The following RIMS2 variants were observed in gnomAD, a reference collection of about 807,000 sequenced individuals.
RIMS2 encodes the protein regulating synaptic membrane exocytosis 2, also known as regulating synaptic membrane exocytosis protein 2.
A neutral mutation model predicts 174.4 loss-of-function variants in RIMS2; 59 were observed. The observed-to-expected ratio is 0.34, with a 90% CI of 0.27 to 0.42. RIMS2 has a LOEUF of 0.42. RIMS2 is among the 10% of genes least tolerant of loss of function. The probability of loss-of-function intolerance (pLI) is 1.00; values close to 1 mark genes in which losing one functional copy is unlikely to be tolerated. For synonymous variants in RIMS2, 606 were observed against 572.5 expected (o/e 1.06, Z -0.84); for missense variants, 1,620 against 1,666.3 (o/e 0.97, Z 0.48).
intron 2 of RIMS2, among the ~76,000 whole-genome samples, chr8:103,731,525 T>C (rs774449144): frequency 2.6e-5 from 4 of 152,200 alleles, no homozygotes; most frequent in Non-Finnish European, 5.9e-5. Flanking sequence ...ATTATCCCTT[T>C]GAACAAACTT....
chr8:103,530,034 A>G (rs1329907288), intron 1 of RIMS2, among the ~76,000 whole-genome samples: 1 of 152,164 alleles, frequency 6.6e-6, no homozygotes, highest in Non-Finnish European at 1.5e-5. Flanking sequence ...GAAAAGGATA[A>G]ATGTGTGGAT....
At chr8:103,602,444 C>G (rs1227383621) in intron 1 of RIMS2, among the ~76,000 whole-genome samples, 1 of 151,942 alleles carries the variant, frequency 6.6e-6, no homozygotes, top group African/African-American at 2.4e-5. Flanking sequence ...TTTCCTGATC[C>G]CATCCCTCCT....
At chr8:103,610,216 C>G (rs1157776577) in intron 1 of RIMS2, among the ~76,000 whole-genome samples, 1 of 152,050 alleles carries the variant, frequency 6.6e-6, no homozygotes, top group Non-Finnish European at 1.5e-5. Context: ...GTTTATCAGA[C>G]CAAGGTGCTT....
At chr8:103,840,356 GT>G (rs2098932037) in intron 3 of RIMS2, among the ~76,000 whole-genome samples, 1 of 151,946 alleles carries the variant, frequency 6.6e-6, no homozygotes, top group Non-Finnish European at 1.5e-5. Context: ...AAAATCTTTG[GT>G]TATTTCATCT....
chr8:103,949,898 C>G (rs1233634613), intron 14 of RIMS2, among the ~76,000 whole-genome samples: 1 of 151,966 alleles, frequency 6.6e-6, no homozygotes, highest in Non-Finnish European at 1.5e-5. Context: ...GCAAAATGAT[C>G]AGCAAAGAAA....
intron 2 of RIMS2, among the ~76,000 whole-genome samples, chr8:103,745,280 G>A (rs538126854): frequency 6.6e-6 from 1 of 152,062 alleles, no homozygotes; most frequent in Non-Finnish European, 1.5e-5. Flanking sequence ...CGGCTCATCT[G>A]TGTTGTAGCA....
At chr8:103,810,844 A>G (rs2098682374) in intron 3 of RIMS2, among the ~76,000 whole-genome samples, 1 of 152,210 alleles carries the variant, frequency 6.6e-6, no homozygotes, top group African/African-American at 2.4e-5. Flanking sequence ...ATATGAAAGA[A>G]AGGAATTATG....
chr8:104,094,937 T>C (rs2097731271), intron 19 of RIMS2, among the ~76,000 whole-genome samples: 1 of 152,042 alleles, frequency 6.6e-6, no homozygotes, highest in Non-Finnish European at 1.5e-5. Context: ...GCTCTGAGAG[T>C]CTGATTTATT....
At chr8:104,183,776 T>C (rs1167779287) in intron 19 of RIMS2, among the ~76,000 whole-genome samples, 1 of 151,590 alleles carries the variant, frequency 6.6e-6, no homozygotes, top group Non-Finnish European at 1.5e-5. Flanking sequence ...CTGTTTGAGG[T>C]TAAATAAAAT....
Position 103,841,462 on chromosome 8 carries a change from G to A in RIMS2, c.699-43836G>A, listed in dbSNP as rs112932432. On this transcript the variant is annotated intron_variant, in intron 3 of 23. Transcript: ENST00000504942. ...GTCTCGGTGTAAATGACCGTTATCAGCAACAGAATACAACCAGGTGAATCA... is the reference window on the plus strand; with the variant it reads ...GTCTCGGTGTAAATGACCGTTATCAACAACAGAATACAACCAGGTGAATCA... Among the ~76,000 whole-genome samples, 1,143 of 151,722 alleles carry A rather than the reference G, an allele frequency of 7.5e-3. 15 individuals are homozygous for A. The highest frequency in any genetic ancestry group is 7.4e-3 in the Non-Finnish European group (500 of 67,934).
chr8:103,653,417 T>A (rs1028786472), intron 1 of RIMS2, among the ~76,000 whole-genome samples: 1 of 152,204 alleles, frequency 6.6e-6, no homozygotes, highest in African/African-American at 2.4e-5. Flanking sequence ...GCTGAAGATG[T>A]GAGAGAGACT....
At chr8:103,854,231 T>C (rs903841774) in intron 3 of RIMS2, among the ~76,000 whole-genome samples, 2 of 151,728 alleles carry the variant, frequency 1.3e-5, no homozygotes, top group African/African-American at 4.8e-5. Flanking sequence ...ATTGATTTTG[T>C]AATTTTTATC....
chr8:103,861,098 G>A (rs989046854), intron 3 of RIMS2, among the ~76,000 whole-genome samples: 1 of 151,974 alleles, frequency 6.6e-6, no homozygotes, highest in Non-Finnish European at 1.5e-5. Flanking sequence ...CCATCATACA[G>A]AATAAGTAAT....
At chr8:104,223,267 C>A (rs1220043846) in intron 19 of RIMS2, 14 of 671,066 alleles carry the variant, frequency 2.1e-5, no homozygotes, top group Non-Finnish European at 2.6e-5. Context: ...GCCACCTCCC[C>A]CTCCGGCCGC....
At chr8:104,071,649 G>A (rs756901187) in intron 19 of RIMS2, among the ~76,000 whole-genome samples, 13 of 152,108 alleles carry the variant, frequency 8.5e-5, no homozygotes, top group Non-Finnish European at 8.8e-5. Flanking sequence ...TGTTAGCCAG[G>A]ATGGTCTCAA....
intron 17 of RIMS2, among the ~76,000 whole-genome samples, chr8:104,012,711 C>G (rs1438955711): frequency 2.0e-5 from 3 of 152,050 alleles, no homozygotes; most frequent in African/African-American, 7.2e-5. Flanking sequence ...TGAGAGGTTG[C>G]TTAAATTTAA....
chr8:104,243,456 G>C (rs1299166465), intron 19 of RIMS2, among the ~76,000 whole-genome samples: 1 of 152,126 alleles, frequency 6.6e-6, no homozygotes, highest in East Asian at 1.9e-4. Flanking sequence ...GGAGGCCAAG[G>C]CGGGCAAATG....
At chr8:103,583,936 T>C (rs941884241) in intron 1 of RIMS2, among the ~76,000 whole-genome samples, 1 of 152,116 alleles carries the variant, frequency 6.6e-6, no homozygotes, top group Non-Finnish European at 1.5e-5. Context: ...TTCCCAAACC[T>C]ATAGAAAGAT....
At chr8:104,100,789 T>C (rs981075505) in intron 19 of RIMS2, among the ~76,000 whole-genome samples, 3 of 143,768 alleles carry the variant, frequency 2.1e-5, no homozygotes, top group African/African-American at 7.6e-5. Flanking sequence ...TCCCATTCAA[T>C]TTCCTGTTAT....
Sources: gnomAD v4.1 joint callset for allele counts (sites outside exome capture counted in the v4.1 genomes callset) on GRCh38, gnomAD v4.1.1 for gene constraint, MANE v1.5 for transcripts, NCBI Gene and HGNC (gene_info 2026-07-23, HGNC 2026-07-21) for gene names.